The following C6 variants were observed in gnomAD, a reference collection of about 807,000 sequenced individuals.
C6 encodes the protein complement C6.
In C6, 101 loss-of-function variants were observed where a neutral mutation model predicts 112.9. The observed-to-expected ratio is 0.89, with a 90% CI of 0.76 to 1.06. C6 has a LOEUF of 1.06. C6 is among the 50% of genes least tolerant of loss of function. The pLI is 0.00. For missense variants in C6, 1,202 were observed against 1,104.6 expected (o/e 1.09, Z -1.25); for synonymous variants, 431 against 384.1 (o/e 1.12, Z -1.43).
At chr5:41,186,847 G>A (rs1279780523) in intron 5 of C6, among the ~76,000 whole-genome samples, 5 of 151,882 alleles carry the variant, frequency 3.3e-5, no homozygotes. Flanking sequence ...TTACAAATGA[G>A]GACATTGAGG....
chr5:41,161,869 G>A lies in C6; in HGVS notation c.1292-10C>T, dbSNP rs1304553660. 6.2e-7 allele frequency: 1 copy of A among 1,612,758 alleles called. No homozygotes were observed. The highest frequency in any genetic ancestry group is 2.2e-5 in the East Asian group (1 of 44,784). The stretch of plus-strand genomic sequence containing the variant: ...CCCTGTATAAATGAACCTGCAAGGT[G>A]TTTCAATAAAAATGCCCATTTAATT... On this transcript the variant is annotated splice_polypyrimidine_tract_variant and intron_variant, in intron 9 of 17. Transcript: ENST00000337836.
chr5:41,183,588 T>G (rs1165182721), intron 6 of C6, among the ~76,000 whole-genome samples: 1 of 152,184 alleles, frequency 6.6e-6, no homozygotes, highest in Non-Finnish European at 1.5e-5. Context: ...CTCAAAGAAC[T>G]TAAAACAGAA....
chr5:41,215,512 C>T (rs999263200), upstream of C6, among the ~76,000 whole-genome samples: 1 of 152,126 alleles, frequency 6.6e-6, no homozygotes, highest in Admixed American at 6.6e-5. Flanking sequence ...AAAACAAAGT[C>T]TGCTATGAAG....
chr5:41,253,416 C>A (rs1178716949), intron 1 of C6, among the ~76,000 whole-genome samples: 2 of 151,926 alleles, frequency 1.3e-5, no homozygotes. Flanking sequence ...CTTTTTGTTA[C>A]CCTGCCCTGT....
At chr5:41,212,303 G>A (rs1329323823) in intron 1 of C6, among the ~76,000 whole-genome samples, 1 of 151,960 alleles carries the variant, frequency 6.6e-6, no homozygotes, top group African/African-American at 2.4e-5. Context: ...TGGGATTACA[G>A]GCCCCTGCCA....
intron 1 of C6, among the ~76,000 whole-genome samples, chr5:41,233,566 T>G (rs1440583033): frequency 6.6e-6 from 1 of 152,104 alleles, no homozygotes; most frequent in African/African-American, 2.4e-5. Context: ...GAGATGCAGC[T>G]ATTCTCATTA....
chr5:41,261,337 CTCTT>C lies in C6; in HGVS notation c.-168_-165del, dbSNP rs151145445. Reference sequence around the variant, plus strand: ...TGAAATATTTAAGCTAGAAACATCTCTCTTTAAAAGTATTTCAGTTTTTAAGACT... The same window carrying C: ...TGAAATATTTAAGCTAGAAACATCTCTAAAAGTATTTCAGTTTTTAAGACT... On this transcript the variant is annotated 5_prime_UTR_variant, in exon 1 of 18. Coordinates refer to the C6 transcript ENST00000263413. 558 of 347,374 alleles carry C rather than the reference CTCTT, an allele frequency of 1.6e-3. 4 individuals are homozygous for C. The highest frequency in any genetic ancestry group is 0.012 in the African/African-American group (537 of 45,112). The allele number at this position is 347,374 out of a possible 1,614,324, so 21.5% of individuals were successfully genotyped here.
At chr5:41,203,552 A>G in intron 1 of C6, 1 of 361,096 alleles carries the variant, frequency 2.8e-6, no homozygotes, top group East Asian at 6.8e-5. Flanking sequence ...CATTCCAAAA[A>G]GTATTTTAGA....
At position 41,149,998 on chromosome 5, in the gene C6, C is replaced by T. The variant is rs1432573724; in HGVS notation, c.2318G>A (p.Cys773Tyr). The T allele has an allele frequency of 6.2e-7, 1 of 1,612,586 alleles. No individual in the cohort carries two copies. The highest frequency in any genetic ancestry group is 8.5e-7 in the Non-Finnish European group (1 of 1,178,990). Residue 773 changes from cysteine to tyrosine, a missense_variant, in exon 16 of 18, where the codon TGT becomes TAT. Cys to Tyr is a radical substitution (Grantham distance 194). Transcript: ENST00000337836. ...KDTLTKLKGH[C>Y]QLGQKQSGSE... ...TCCTGATTGTTTCTGTCCCAGCTGA[C>T]AATGGCCTTTTAATTTTGTTAGAGT...
Position 41,257,757 on chromosome 5 carries a change from G to C in C6, c.-21+3437C>G, listed in dbSNP as rs74552103. Among the ~76,000 whole-genome samples the C allele has an allele frequency of 6.9e-4, 105 of 152,158 alleles. No individual in the cohort carries two copies. In the East Asian group the frequency reaches 0.018, roughly 27 times the overall value. On this transcript the variant is annotated intron_variant, in intron 1 of 17. Coordinates refer to the C6 transcript ENST00000263413. ...TTAACAGTCTATTCTCCCATCTAAG[G>C]CTGACATATATACTACCTCCCAGCC...
chr5:41,197,716 G>T (rs1377373193), intron 4 of C6, among the ~76,000 whole-genome samples: 1 of 152,134 alleles, frequency 6.6e-6, no homozygotes, highest in Non-Finnish European at 1.5e-5. Flanking sequence ...ATGAAGGGAA[G>T]AGGATACCTC....
chr5:41,166,359 C>A lies in C6; in HGVS notation c.1292-4500G>T, dbSNP rs530052852. On this transcript the variant is annotated intron_variant, in intron 9 of 17. Transcript: ENST00000337836. ...TCATTTATTCATTTACACATTCATT[C>A]TTTTCCTCTCTATGCCTCTGTGTCC... 3.3e-5 allele frequency among the ~76,000 whole-genome samples: 5 copies of A among 152,102 alleles called. No homozygotes were observed. In the South Asian group the frequency reaches 1.0e-3, roughly 32 times the overall value.
intron 6 of C6, among the ~76,000 whole-genome samples, chr5:41,182,184 C>G (rs1561138412): frequency 6.6e-6 from 1 of 151,776 alleles, no homozygotes; most frequent in Non-Finnish European, 1.5e-5. Context: ...TTTCCCTACT[C>G]TTTTTGGCCA....
Position 41,142,794 on chromosome 5 carries a change from G to A in C6, c.*31C>T, listed in dbSNP as rs1375739032. 8 of 1,558,556 alleles carry A rather than the reference G, an allele frequency of 5.1e-6. No individual in the cohort carries two copies. Among genetic ancestry groups the A allele is most frequent in the Non-Finnish European group, 7.1e-6 (8 of 1,129,808 alleles). Reference sequence around the variant, plus strand: ...GTTGGTTCTTCGGGATGGTAAATCTGTTCATTGTGCTGGGCCTAGCAGTAA... The same window carrying A: ...GTTGGTTCTTCGGGATGGTAAATCTATTCATTGTGCTGGGCCTAGCAGTAA... On this transcript the variant is annotated 3_prime_UTR_variant, in exon 18 of 18. Transcript: ENST00000337836.
At chr5:41,218,811 G>GAA (rs1255878143) in intron 1 of C6, among the ~76,000 whole-genome samples, 2 of 152,230 alleles carry the variant, frequency 1.3e-5, no homozygotes, top group African/African-American at 4.8e-5. Context: ...TCTGTAGAGA[G>GAA]AAAAAAGAAT....
At chr5:41,190,042 G>T (rs1175511057) in intron 5 of C6, among the ~76,000 whole-genome samples, 1 of 152,098 alleles carries the variant, frequency 6.6e-6, no homozygotes, top group African/African-American at 2.4e-5. Context: ...CCATATGTTG[G>T]TTATTGTGAA....
chr5:41,244,677 A>T (rs1740917357), intron 1 of C6, among the ~76,000 whole-genome samples: 1 of 152,072 alleles, frequency 6.6e-6, no homozygotes, highest in South Asian at 2.1e-4. Flanking sequence ...TCCCCAGGGG[A>T]AGAGCACTTC....
At chr5:41,177,167 A>G (rs1748926866) in intron 7 of C6, among the ~76,000 whole-genome samples, 1 of 152,218 alleles carries the variant, frequency 6.6e-6, no homozygotes. Context: ...GTCATTCTGG[A>G]AAAAGCGTTT....
In C6 at chr5:41,196,061, A is replaced by G; in HGVS notation, c.446-128T>C. On this transcript the variant is annotated intron_variant, in intron 4 of 17. Transcript: ENST00000337836. ...GGCAAGTCTTCACTGTTTTTGATAG[A>G]GTTTTAGGGAGCACATAAAAATGGA... is the stretch of plus-strand genomic sequence containing the variant. The G allele has an allele frequency of 1.9e-6, 2 of 1,038,096 alleles. 1 individual carries two copies. The highest frequency in any genetic ancestry group is 2.9e-6 in the Non-Finnish European group (2 of 691,560). 64.3% of individuals were successfully genotyped at this position (1,038,096 alleles called of 1,614,324 possible). A position where few individuals can be genotyped will look rare whatever the true frequency, so the allele number is the denominator to read the frequency against.
Sources: gnomAD v4.1 joint callset for allele counts (sites outside exome capture counted in the v4.1 genomes callset) on GRCh38, gnomAD v4.1.1 for gene constraint, MANE v1.5 for transcripts, NCBI Gene and HGNC (gene_info 2026-07-23, HGNC 2026-07-21) for gene names.